Variants in PCNX1 observed in about 807,000 individuals in gnomAD.
The protein encoded by PCNX1 is pecanex 1.
In PCNX1, 78 loss-of-function variants were observed where a neutral mutation model predicts 242.2. The observed-to-expected ratio is 0.32, with a 90% CI of 0.27 to 0.39. PCNX1 has a LOEUF of 0.39. PCNX1 is among the 10% of genes least tolerant of loss of function. PCNX1 has a pLI of 1.00. For missense variants in PCNX1, 2,581 were observed against 2,856.5 expected (o/e 0.90, Z 2.20); for synonymous variants, 1,024 against 1,032.9 (o/e 0.99, Z 0.17).
At chr14:71,023,601 C>G (rs538145432) in intron 13 of PCNX1, among the ~76,000 whole-genome samples, 1 of 152,080 alleles carries the variant, frequency 6.6e-6, no homozygotes, top group South Asian at 2.1e-4. Context: ...GTAGGAAAAA[C>G]TTTATATTAT....
intron 2 of PCNX1, among the ~76,000 whole-genome samples, chr14:70,951,134 A>G (rs954761179): frequency 6.6e-6 from 1 of 152,116 alleles, no homozygotes; most frequent in Admixed American, 6.6e-5. Flanking sequence ...GTTTATCACA[A>G]CACCATTCAT....
intron 17 of PCNX1, among the ~76,000 whole-genome samples, 190 bp downstream of exon 17, chr14:71,033,728 C>G (rs565586750): frequency 6.6e-6 from 1 of 151,998 alleles, no homozygotes; most frequent in Non-Finnish European, 1.5e-5. Context: ...TGTTTTCCTT[C>G]CCAATTATTG....
chr14:70,913,096 C>T (rs2055996463), intron 1 of PCNX1, among the ~76,000 whole-genome samples: 1 of 152,150 alleles, frequency 6.6e-6, no homozygotes, highest in East Asian at 1.9e-4. Flanking sequence ...TTTGTCCTCT[C>T]GATCATCCTC....
At chr14:71,074,823 T>C (rs2061672618) in intron 27 of PCNX1, among the ~76,000 whole-genome samples, 1 of 152,068 alleles carries the variant, frequency 6.6e-6, no homozygotes, top group African/African-American at 2.4e-5. Flanking sequence ...GCAAGGTTAA[T>C]CCTTTACTGC....
chr14:71,082,357 G>A (rs1184792876), intron 28 of PCNX1, among the ~76,000 whole-genome samples: 1 of 152,194 alleles, frequency 6.6e-6, no homozygotes, highest in Non-Finnish European at 1.5e-5. Context: ...GGAGAGTTCT[G>A]TAGACATCTA....
chr14:70,952,308 T>C (rs1447394566), intron 2 of PCNX1, among the ~76,000 whole-genome samples: 2 of 152,194 alleles, frequency 1.3e-5, no homozygotes, highest in Non-Finnish European at 2.9e-5. Context: ...AACACTAAGT[T>C]AGCAATAATC....
At chr14:71,028,299 A>C (rs1431766134) in intron 15 of PCNX1, among the ~76,000 whole-genome samples, 2 of 151,998 alleles carry the variant, frequency 1.3e-5, no homozygotes, top group African/African-American at 4.8e-5. Context: ...TGGGGGTAAC[A>C]CAGGTTCTGT....
In PCNX1 at chr14:70,978,664, G is replaced by T; in HGVS notation, c.2311+16G>T. Reference sequence around the variant, plus strand: ...GTCAGTGGAGGTAAGTAAACTGTAAGAAGAGATTTCTGTAAGACTCACTGC... The same window carrying T: ...GTCAGTGGAGGTAAGTAAACTGTAATAAGAGATTTCTGTAAGACTCACTGC... On this transcript the variant is annotated intron_variant, in intron 6 of 35. Transcript: ENST00000304743. 6.3e-7 allele frequency: 1 copy of T among 1,587,104 alleles called. No homozygotes were observed. Among genetic ancestry groups the T allele is most frequent in the Non-Finnish European group, 8.6e-7 (1 of 1,168,078 alleles).
chr14:71,024,904 CTACTG>C (rs1358559854), intron 13 of PCNX1, among the ~76,000 whole-genome samples: 1 of 152,148 alleles, frequency 6.6e-6, no homozygotes, highest in Non-Finnish European at 1.5e-5. Flanking sequence ...AACCATTACT[CTACTG>C]TAATGTTACT....
intron 1 of PCNX1, among the ~76,000 whole-genome samples, chr14:70,942,482 G>A (rs1594967073): frequency 6.7e-6 from 1 of 149,804 alleles, no homozygotes; most frequent in African/African-American, 2.5e-5. Context: ...CAGCAGATGT[G>A]TGGGGGTGTC....
chr14:70,991,579 G>T (rs1321071228), intron 7 of PCNX1, among the ~76,000 whole-genome samples: 1 of 152,108 alleles, frequency 6.6e-6, no homozygotes, highest in Non-Finnish European at 1.5e-5. Context: ...TGTAGTTTTT[G>T]TTGAGGTTCC....
At position 71,050,745 on chromosome 14, in the gene PCNX1, C is replaced by T. The variant is rs1463400665; in HGVS notation, c.4432C>T (p.Pro1478Ser). The T allele has an allele frequency of 6.2e-7, 1 of 1,613,370 alleles. No individual in the cohort carries two copies. The highest frequency in any genetic ancestry group is 1.3e-5 in the African/African-American group (1 of 74,876). ...TTCTGCTTTCCATGCTTTTGCTCAG[C>T]CTTTTGCAGTGCCTCGTATCCTTCT... ...WGSAFHAFAQ[P>S]FAVPHSAMLF... Residue 1478 changes from proline to serine, a missense_variant, in exon 23 of 36, where the codon CCT becomes TCT. Physicochemically the swap from Pro to Ser is moderately conservative, Grantham distance 74 (BLOSUM62 -1). Coordinates refer to ENST00000304743, the MANE Select transcript of PCNX1 (RefSeq NM_014982.3).
At position 70,978,264 on chromosome 14, in the gene PCNX1, C is replaced by G. The variant is rs200997516; in HGVS notation, c.1927C>G (p.Leu643Val). ...GTCTCCTGAGGGCAGATACAGTGCTCTAAAGACCAAACACACTCATAAAGA... is the reference window on the plus strand; with the variant it reads ...GTCTCCTGAGGGCAGATACAGTGCTGTAAAGACCAAACACACTCATAAAGA... ...CQSPEGRYSA[L>V]KTKHTHKERG... The change falls in exon 6 of 36, where the codon CTA (leucine) becomes GTA (valine). Residue 643 changes from leucine (L) to valine (V), a missense_variant. This residue lies in a region of PCNX1 where 1,204 missense variants were observed against 1,216.7 expected (regional missense o/e 0.99). Transcript: ENST00000304743. 9.9e-6 allele frequency: 16 copies of G among 1,614,064 alleles called. No homozygotes were observed. The highest frequency in any genetic ancestry group is 1.6e-4 in the Middle Eastern group (1 of 6,062).
At chr14:70,935,516 C>A (rs1009357445) in intron 1 of PCNX1, among the ~76,000 whole-genome samples, 6 of 152,210 alleles carry the variant, frequency 3.9e-5, no homozygotes, top group African/African-American at 1.4e-4. Context: ...TTTAAGCATT[C>A]ATGATCTTTG....
At chr14:71,082,574 C>T (rs1478111159) in intron 28 of PCNX1, among the ~76,000 whole-genome samples, 1 of 152,054 alleles carries the variant, frequency 6.6e-6, no homozygotes. Context: ...ATAGTTGGCT[C>T]TTCTCGCTAC....
rs374626917 is a variant in PCNX1, at chr14:71,057,796, C to G, written c.4852+72C>G. On this transcript the variant is annotated intron_variant, in intron 26 of 35. Transcript: ENST00000304743. ...ACCTTAGTTTTACATGTTTCTATCT[C>G]AAACCAGAAGTTGTCATAGAATTAG... 3.3e-5 allele frequency: 34 copies of G among 1,018,524 alleles called. No individual in the cohort carries two copies. The East Asian group carries it at 7.9e-4, about 24-fold the overall frequency. 63.1% of individuals were successfully genotyped at this position (1,018,524 alleles called of 1,614,324 possible).
At chr14:70,950,943 A>G (rs1055433291) in intron 2 of PCNX1, among the ~76,000 whole-genome samples, 13 of 151,838 alleles carry the variant, frequency 8.6e-5, no homozygotes, top group African/African-American at 2.4e-4. Context: ...CTGTGGTCCA[A>G]TTTTGTGTGT....
At chr14:70,914,106 A>G (rs1158099037) in intron 1 of PCNX1, among the ~76,000 whole-genome samples, 1 of 152,200 alleles carries the variant, frequency 6.6e-6, no homozygotes, top group African/African-American at 2.4e-5. Context: ...CATCTACCAC[A>G]TGTTCTCACT....
chr14:70,946,957 G>T lies in PCNX1; in HGVS notation c.196G>T (p.Val66Leu). The T allele has an allele frequency of 6.2e-6, 10 of 1,613,678 alleles. No individual in the cohort carries two copies. Among genetic ancestry groups the T allele is most frequent in the Non-Finnish European group, 8.5e-6 (10 of 1,179,654 alleles). ...TMIIVAVYCP[V>L]IAAVFIVLKM... ...GATTATAGTAGCAGTTTATTGTCCT[G>T]TGATAGCTGCTGTTTTCATTGTTCT... is the stretch of plus-strand genomic sequence containing the variant. The change falls in exon 2 of 36, where the codon GTG (valine) becomes TTG (leucine). Residue 66 changes from valine to leucine, a missense_variant. Val to Leu is a conservative substitution (Grantham distance 32, BLOSUM62 1). Coordinates refer to ENST00000304743, the MANE Select transcript of PCNX1 (RefSeq NM_014982.3).
Sources: gnomAD v4.1 joint callset for allele counts (sites outside exome capture counted in the v4.1 genomes callset) on GRCh38, gnomAD v4.1.1 for gene constraint, gnomAD v4.1.1 regional missense constraint, MANE v1.5 for transcripts, NCBI Gene and HGNC (gene_info 2026-07-23, HGNC 2026-07-21) for gene names.